KIF6: variants seen among roughly 807,000 people sequenced by gnomAD.
The protein encoded by KIF6 is kinesin-like protein KIF6.
KIF6 carries 106 observed loss-of-function variants against 112.7 expected under a neutral mutation model. That is an observed-to-expected ratio of 0.94 (90% CI 0.80 to 1.11). KIF6 has a LOEUF of 1.11. KIF6 is among the 50% of genes least tolerant of loss of function. The pLI, the probability that KIF6 is intolerant of heterozygous loss-of-function variation, is 0.00. For missense variants in KIF6, 929 were observed against 964.0 expected (o/e 0.96, Z 0.48); for synonymous variants, 339 against 339.9 (o/e 1.00, Z 0.03).
intron 13 of KIF6, among the ~76,000 whole-genome samples, chr6:39,436,216 T>A (rs529283016): frequency 5.9e-5 from 9 of 152,198 alleles, no homozygotes; most frequent in Non-Finnish European, 8.8e-5. Flanking sequence ...ATTATTTGTT[T>A]TTTTTCTTGC....
chr6:39,592,375 G>A (rs1185803422), intron 7 of KIF6, among the ~76,000 whole-genome samples: 1 of 152,128 alleles, frequency 6.6e-6, no homozygotes, highest in Non-Finnish European at 1.5e-5. Context: ...TATGAAAATT[G>A]ACAAAATTTG....
intron 3 of KIF6, among the ~76,000 whole-genome samples, chr6:39,654,481 T>G (rs912167615): frequency 6.6e-6 from 1 of 152,220 alleles, no homozygotes; most frequent in Non-Finnish European, 1.5e-5. Context: ...TATTTTCTAC[T>G]TCTCCCTTCA....
intron 6 of KIF6, among the ~76,000 whole-genome samples, chr6:39,598,108 AC>A (rs1404348222): frequency 6.6e-6 from 1 of 152,096 alleles, no homozygotes; most frequent in Non-Finnish European, 1.5e-5. Context: ...AATACCTTGA[AC>A]CCCGGAGGCA....
At chr6:39,503,849 G>GAA (rs772144009) in intron 13 of KIF6, among the ~76,000 whole-genome samples, 14 of 81,950 alleles carry the variant, frequency 1.7e-4, no homozygotes, top group East Asian at 1.5e-3. Context: ...CAACCAACCA[G>GAA]AAAAAAAAAA....
chr6:39,344,466 C>A (rs753873261), intron 21 of KIF6, among the ~76,000 whole-genome samples: 7 of 152,150 alleles, frequency 4.6e-5, no homozygotes, highest in Non-Finnish European at 5.9e-5. Context: ...TATGATATGA[C>A]CCCGGGTCAG....
At chr6:39,447,027 A>G (rs965585958) in intron 13 of KIF6, among the ~76,000 whole-genome samples, 5 of 152,244 alleles carry the variant, frequency 3.3e-5, no homozygotes, top group African/African-American at 1.2e-4. Context: ...ACCCACCCAC[A>G]GCAATCTGTT....
chr6:39,599,592 T>G (rs1476620687), intron 6 of KIF6, among the ~76,000 whole-genome samples: 1 of 152,240 alleles, frequency 6.6e-6, no homozygotes, highest in Non-Finnish European at 1.5e-5. Context: ...CAAATAACTG[T>G]GCATGTAAAA....
intron 6 of KIF6, among the ~76,000 whole-genome samples, chr6:39,607,382 A>T (rs367562312): frequency 6.6e-6 from 1 of 152,174 alleles, no homozygotes; most frequent in East Asian, 1.9e-4. Flanking sequence ...AACACTGTAT[A>T]TTTCTCATGT....
At chr6:39,448,700 T>C (rs201776197) in intron 13 of KIF6, among the ~76,000 whole-genome samples, 2 of 151,910 alleles carry the variant, frequency 1.3e-5, no homozygotes, top group African/African-American at 4.8e-5. Flanking sequence ...CTGGAGACTA[T>C]TCTCTTTCAA....
intron 19 of KIF6, among the ~76,000 whole-genome samples, chr6:39,353,056 C>G (rs1359742512): frequency 8.6e-5 from 13 of 151,996 alleles, no homozygotes; most frequent in Admixed American, 8.5e-4. Flanking sequence ...TAAGTTTTCA[C>G]CTCAATTAGG....
At chr6:39,574,504 G>A (rs79047631) in intron 10 of KIF6, among the ~76,000 whole-genome samples, 2,250 of 152,122 alleles carry the variant, frequency 0.015, 37 homozygotes, top group East Asian at 0.075. Flanking sequence ...AGATGTTCTT[G>A]TTTTCAGAAT....
chr6:39,595,206 C>T (rs980660114), intron 7 of KIF6, among the ~76,000 whole-genome samples: 1 of 152,174 alleles, frequency 6.6e-6, no homozygotes, highest in Non-Finnish European at 1.5e-5. Context: ...ATGTTCCCAT[C>T]GTTAATCTAC....
chr6:39,569,714 A>G (rs934677098), intron 10 of KIF6, among the ~76,000 whole-genome samples: 26 of 152,072 alleles, frequency 1.7e-4, no homozygotes, highest in Non-Finnish European at 2.4e-4. Context: ...CCTCCCCTTC[A>G]CAGAACACTC....
chr6:39,589,720 G>T (rs993729452), intron 7 of KIF6, among the ~76,000 whole-genome samples: 1 of 152,184 alleles, frequency 6.6e-6, no homozygotes, highest in African/African-American at 2.4e-5. Context: ...TGAGGCAGTT[G>T]CAGGGAAGTT....
intron 20 of KIF6, among the ~76,000 whole-genome samples, chr6:39,346,122 C>CTCT (rs1562113273): frequency 1.3e-3 from 20 of 14,904 alleles, no homozygotes; most frequent in Non-Finnish European, 1.9e-3. Context: ...TCTCCCTCTC[C>CTCT]CTCCCTCTCC....
intron 13 of KIF6, among the ~76,000 whole-genome samples, chr6:39,525,804 A>AATAG (rs1030935477): frequency 3.5e-5 from 5 of 143,230 alleles, no homozygotes; most frequent in Non-Finnish European, 7.7e-5. Context: ...TAACTAACTA[A>AATAG]ATAGATAAAT....
chr6:39,391,784 A>G (rs1180338902), intron 15 of KIF6, among the ~76,000 whole-genome samples: 1 of 152,252 alleles, frequency 6.6e-6, no homozygotes, highest in African/African-American at 2.4e-5. Flanking sequence ...GGGCAGGCAG[A>G]TGAAGACATT....
intron 3 of KIF6, among the ~76,000 whole-genome samples, chr6:39,712,069 A>G (rs1261566899): frequency 1.3e-5 from 2 of 152,156 alleles, no homozygotes; most frequent in African/African-American, 4.8e-5. Context: ...AAAAAAAATT[A>G]GGGAGTATAA....
At chr6:39,385,754 C>T in intron 15 of KIF6, 82 bp from the exon 16 acceptor site, 4 of 394,972 alleles carry the variant, frequency 1.0e-5, no homozygotes, top group African/African-American at 4.5e-5. Context: ...TGGCAAGCTA[C>T]AGAAAAAAAA....
Sources: gnomAD v4.1 joint callset for allele counts (sites outside exome capture counted in the v4.1 genomes callset) on GRCh38, gnomAD v4.1.1 for gene constraint, MANE v1.5 for transcripts, NCBI Gene and HGNC (gene_info 2026-07-23, HGNC 2026-07-21) for gene names.